The following AR variants were observed in gnomAD, a reference collection of about 807,000 sequenced individuals.
AR encodes androgen receptor.
AR carries 8 observed loss-of-function variants against 53.9 expected under a neutral mutation model. That is an observed-to-expected ratio of 0.15 (90% CI 0.09 to 0.27). The LOEUF is 0.27. AR is among the 10% of genes least tolerant of loss of function. The pLI is 1.00. For missense variants in AR, 639 were observed against 742.5 expected (o/e 0.86, Z 1.62); for synonymous variants, 359 against 316.4 (o/e 1.13, Z -1.43).
chrX:67,548,886 A>AT (rs1163693038), intron 1 of AR, among the ~76,000 whole-genome samples: 27 of 108,308 alleles, frequency 2.5e-4, no homozygotes, highest in East Asian at 5.8e-4. Context: ...GTACAAGTTT[A>AT]TTTTTTTTTT....
Position 67,671,659 on chromosome X carries a change from A to G in AR, c.1769-14351A>G, listed in dbSNP as rs2075866176. On this transcript the variant is annotated intron_variant, in intron 2 of 7. Coordinates refer to ENST00000374690, the MANE Select transcript of AR (RefSeq NM_000044.6). ...TGCCATTGCTTCTGGTGTTTTAGTC[A>G]TGAAGTCTCTACCCATGCCTATGTC... is the stretch of plus-strand genomic sequence containing the variant. 2.7e-5 allele frequency among the ~76,000 whole-genome samples: 3 copies of G among 111,693 alleles called. No individual in the cohort carries two copies. In the Admixed American group the frequency reaches 2.8e-4, roughly 11 times the overall value.
chrX:67,668,057 C>A (rs1927356687), intron 2 of AR, among the ~76,000 whole-genome samples: 1 of 111,554 alleles, frequency 9.0e-6, no homozygotes, highest in Non-Finnish European at 1.9e-5. Flanking sequence ...CCTTTCATTT[C>A]TTTCTCTTGT....
chrX:67,606,078 C>T (rs1415631613), intron 1 of AR, among the ~76,000 whole-genome samples: 1 of 110,740 alleles, frequency 9.0e-6, no homozygotes, highest in Non-Finnish European at 1.9e-5. Flanking sequence ...TCATAGTGTA[C>T]ATGAGTATAA....
At position 67,695,487 on chromosome X, in the gene AR, C is replaced by G; in HGVS notation, c.1885+9361C>G. The G allele has an allele frequency of 4.0e-6, 3 of 754,207 alleles. 1 individual carries two copies. Among genetic ancestry groups the G allele is most frequent in the Non-Finnish European group, 4.7e-6 (3 of 639,326 alleles). The allele number at this position is 754,207 out of a possible 1,213,427, so 62.2% of individuals were successfully genotyped here. On this transcript the variant is annotated intron_variant, in intron 3 of 7. Transcript: ENST00000374690. ...GATTGCTCTCTCACATCACATGCTT[C>G]TCTTCATCAGTTGTAAGCCTCTCAT...
At chrX:67,687,252 A>G (rs2075971822) in intron 3 of AR, among the ~76,000 whole-genome samples, 1 of 112,033 alleles carries the variant, frequency 8.9e-6, no homozygotes, top group Admixed American at 9.5e-5. Flanking sequence ...ATAGACAACA[A>G]CTAGTTCTCT....
intron 1 of AR, among the ~76,000 whole-genome samples, chrX:67,589,061 T>C (rs1214175499): frequency 8.9e-6 from 1 of 112,572 alleles, no homozygotes; most frequent in Non-Finnish European, 1.9e-5. Flanking sequence ...ACAGCAAGTC[T>C]TCAAAAAATG....
intron 3 of AR, chrX:67,694,640 G>A (rs2076011238): frequency 8.7e-7 from 1 of 1,151,672 alleles, no homozygotes; most frequent in South Asian, 1.9e-5. Flanking sequence ...TATTTAGACT[G>A]CTACAGTCAA....
At chrX:67,702,493 T>C (rs2076046824) in intron 3 of AR, among the ~76,000 whole-genome samples, 1 of 112,296 alleles carries the variant, frequency 8.9e-6, no homozygotes, top group Admixed American at 9.4e-5. Flanking sequence ...CCTGTGCCTT[T>C]GGTGGGATGT....
intron 2 of AR, among the ~76,000 whole-genome samples, chrX:67,652,897 G>T (rs1255857958): frequency 8.9e-6 from 1 of 111,994 alleles, no homozygotes; most frequent in Non-Finnish European, 1.9e-5. Flanking sequence ...GTGTGTATGT[G>T]CATGTATAAA....
intron 1 of AR, among the ~76,000 whole-genome samples, chrX:67,606,173 C>T (rs1923616323): frequency 9.0e-6 from 1 of 110,806 alleles, no homozygotes. Context: ...AAGAAAAGCA[C>T]CCCAGACAGA....
At chrX:67,559,731 A>C (rs962881547) in intron 1 of AR, among the ~76,000 whole-genome samples, 2 of 112,164 alleles carry the variant, frequency 1.8e-5, no homozygotes, top group African/African-American at 6.5e-5. Context: ...ACCTCTCTGA[A>C]GCATTGTCCA....
chrX:67,710,734 G>T (rs904420190), intron 3 of AR, among the ~76,000 whole-genome samples: 9 of 111,769 alleles, frequency 8.1e-5, no homozygotes, highest in Non-Finnish European at 1.5e-4. Context: ...ATATGTTTCA[G>T]CCATACTAGT....
intron 2 of AR, among the ~76,000 whole-genome samples, chrX:67,665,255 C>T (rs932381776): frequency 1.4e-4 from 16 of 112,401 alleles, no homozygotes; most frequent in African/African-American, 5.2e-4. Flanking sequence ...GCCATCTTCA[C>T]AAAAATCTTA....
chrX:67,632,410 C>A (rs1216295761), intron 1 of AR, among the ~76,000 whole-genome samples: 3 of 112,079 alleles, frequency 2.7e-5, no homozygotes, highest in Non-Finnish European at 5.6e-5. Flanking sequence ...TTCCAGGTGC[C>A]GTCTGTCACC....
intron 3 of AR, among the ~76,000 whole-genome samples, chrX:67,706,902 T>G (rs1454155685): frequency 8.9e-6 from 1 of 112,320 alleles, no homozygotes; most frequent in Non-Finnish European, 1.9e-5. Context: ...CATTTCATTA[T>G]GTACCCAGTA....
chrX:67,643,127 C>A, intron 1 of AR, 129 bp from the exon 2 acceptor site: 1 of 837,137 alleles, frequency 1.2e-6, no homozygotes, highest in Non-Finnish European at 1.8e-6. Flanking sequence ...TTCAGCTTCA[C>A]ACTAACTAAC....
chrX:67,677,987 G>T (rs1011332234), intron 2 of AR, among the ~76,000 whole-genome samples: 1 of 111,712 alleles, frequency 9.0e-6, no homozygotes, highest in Non-Finnish European at 1.9e-5. Flanking sequence ...GACTGGCAAT[G>T]AGGACACCTG....
chrX:67,712,980 GA>G lies in AR; in HGVS notation c.2173+1292del, dbSNP rs779986095. 7.3e-3 allele frequency among the ~76,000 whole-genome samples: 810 copies of G among 111,623 alleles called. 5 individuals carry two copies. Among genetic ancestry groups the G allele is most frequent in the Non-Finnish European group, 0.011 (586 of 53,129 alleles). ...AATAGGGAAGCTGTGAGAATGATGT[GA>G]TTGGCCTATAGTTACATAGTCAGAA... On this transcript the variant is annotated intron_variant, in intron 4 of 7. Coordinates refer to ENST00000374690, the MANE Select transcript of AR (RefSeq NM_000044.6).
intron 3 of AR, among the ~76,000 whole-genome samples, chrX:67,691,157 A>G (rs1478524122): frequency 8.9e-6 from 1 of 111,942 alleles, no homozygotes; most frequent in Admixed American, 9.5e-5. Flanking sequence ...CTAGAGAGAA[A>G]TTTCTAGCAT....
Sources: gnomAD v4.1 joint callset for allele counts (sites outside exome capture counted in the v4.1 genomes callset) on GRCh38, gnomAD v4.1.1 for gene constraint, MANE v1.5 for transcripts, NCBI Gene and HGNC (gene_info 2026-07-23, HGNC 2026-07-21) for gene names.